Variants in MTR observed in about 807,000 individuals in gnomAD.
MTR encodes methionine synthase.
MTR carries 84 observed loss-of-function variants against 154.8 expected under a neutral mutation model. That is an observed-to-expected ratio of 0.54 (90% confidence interval 0.45 to 0.65). The LOEUF (loss-of-function observed/expected upper bound fraction) is 0.65, where lower values mean the gene tolerates loss of function less well. Among genes scored for constraint, MTR ranks in the 30% least tolerant of loss-of-function variants. The pLI is 0.00. For synonymous variants in MTR, 554 were observed against 553.9 expected, an observed-to-expected ratio of 1.00 and a Z score of 0.00; for missense variants, 1,275 against 1,570.2, an observed-to-expected ratio of 0.81 and a Z score of 3.18.
intron 5 of MTR, among the ~76,000 whole-genome samples, chr1:236,812,026 G>A (rs1349701691): frequency 2.0e-5 from 3 of 152,156 alleles, no homozygotes; most frequent in East Asian, 1.9e-4. Flanking sequence ...GGCTACAGGC[G>A]TGTGCCATCA....
chr1:236,816,274 C>T (rs1305861538), intron 7 of MTR, among the ~76,000 whole-genome samples, 175 bp from the exon 8 acceptor site: 1 of 152,190 alleles, frequency 6.6e-6, no homozygotes. Flanking sequence ...TCCCTAGTCT[C>T]TTGGCACATG....
At chr1:236,895,092 TC>T in intron 30 of MTR, 1 of 495,720 alleles carries the variant, frequency 2.0e-6, no homozygotes, top group Non-Finnish European at 3.7e-6. Context: ...TTTAGGGAAA[TC>T]GTTAATTTTA....
Position 236,866,298 on chromosome 1 carries a change from TGTGATCA to T in MTR, c.2405+2755_2405+2761del, listed in dbSNP as rs1043774931. On this transcript the variant is annotated intron_variant, in intron 22 of 32. Transcript: ENST00000366577. ...TATTATTGTATCTGTTATGATGATC[TGTGATCA>T]GTGATCAGTGTTACTATTTTAATTG... 7.9e-5 allele frequency among the ~76,000 whole-genome samples: 12 copies of T among 152,326 alleles called. No homozygotes were observed. In the East Asian group the frequency reaches 1.5e-3, roughly 20 times the overall value.
intron 28 of MTR, among the ~76,000 whole-genome samples, chr1:236,890,693 C>T (rs535768698): frequency 5.9e-5 from 9 of 152,228 alleles, no homozygotes; most frequent in Non-Finnish European, 7.4e-5. Flanking sequence ...TCAATCGTTA[C>T]GAATTATATT....
intron 22 of MTR, among the ~76,000 whole-genome samples, chr1:236,869,296 C>CT (rs913513095): frequency 3.3e-5 from 5 of 151,860 alleles, no homozygotes; most frequent in African/African-American, 7.3e-5. Flanking sequence ...TTCAGTGCAA[C>CT]TTTTTTTTTC....
chr1:236,846,306 A>G (rs1228964071), intron 15 of MTR, among the ~76,000 whole-genome samples: 2 of 152,196 alleles, frequency 1.3e-5, no homozygotes, highest in Non-Finnish European at 2.9e-5. Context: ...TTTTCATATA[A>G]TCCTTAGGTT....
At chr1:236,897,312 A>ATGCGCGCGCGCACACGCGCGCG (rs1553331097) in intron 32 of MTR, among the ~76,000 whole-genome samples, 194 bp downstream of exon 32, 1 of 66,180 alleles carries the variant, frequency 1.5e-5, no homozygotes, top group African/African-American at 5.1e-5. Context: ...ACACACACGC[A>ATGCGCGCGCGCACACGCGCGCG]CACACACACA....
At chr1:236,824,334 A>G in intron 9 of MTR, 115 bp downstream of exon 9, 1 of 917,732 alleles carries the variant, frequency 1.1e-6, no homozygotes, top group Non-Finnish European at 1.8e-6. Context: ...GGTATAGTTG[A>G]CACTTAATAA....
At chr1:236,897,312 A>ACGCGCGCGCGCGCACGCGCGCG (rs1034067394) in intron 32 of MTR, among the ~76,000 whole-genome samples, 194 bp downstream of exon 32, 7 of 66,180 alleles carry the variant, frequency 1.1e-4, no homozygotes, top group African/African-American at 3.6e-4. Flanking sequence ...ACACACACGC[A>ACGCGCGCGCGCGCACGCGCGCG]CACACACACA....
intron 28 of MTR, among the ~76,000 whole-genome samples, chr1:236,890,156 G>C (rs192317932): frequency 1.4e-5 from 2 of 144,940 alleles, no homozygotes; most frequent in Non-Finnish European, 3.2e-5. Context: ...ACGGGGGGGC[G>C]TGCCTGGGTG....
At chr1:236,838,755 C>T (rs1259899371) in intron 15 of MTR, among the ~76,000 whole-genome samples, 156 bp downstream of exon 15, 1 of 152,158 alleles carries the variant, frequency 6.6e-6, no homozygotes, top group Non-Finnish European at 1.5e-5. Flanking sequence ...TATCTGTATA[C>T]AGTCATACAT....
intron 3 of MTR, 25 bp from the exon 4 acceptor site, chr1:236,808,679 C>A (rs773298665): frequency 1.9e-6 from 3 of 1,611,748 alleles, no homozygotes; most frequent in Non-Finnish European, 2.5e-6. Context: ...GAAGGACAAG[C>A]TAACGTTTGT....
intron 2 of MTR, 74 bp from the exon 3 acceptor site, chr1:236,806,070 T>C (rs1340688451): frequency 8.1e-7 from 1 of 1,237,518 alleles, no homozygotes; most frequent in Non-Finnish European, 1.2e-6. Context: ...ATGGTGGTAA[T>C]GAAAGGGCAT....
At chr1:236,843,206 T>C (rs1349046413) in intron 15 of MTR, among the ~76,000 whole-genome samples, 4 of 152,016 alleles carry the variant, frequency 2.6e-5, no homozygotes, top group African/African-American at 9.7e-5. Context: ...TTATTTTATG[T>C]AGGATAGTTT....
intron 5 of MTR, among the ~76,000 whole-genome samples, chr1:236,811,887 C>T (rs1395183629): frequency 6.6e-6 from 1 of 152,180 alleles, no homozygotes; most frequent in East Asian, 1.9e-4. Context: ...GAGAACCTGT[C>T]AACGATGTTA....
intron 19 of MTR, among the ~76,000 whole-genome samples, chr1:236,860,871 G>A (rs1472462900): frequency 6.6e-6 from 1 of 152,098 alleles, no homozygotes; most frequent in Non-Finnish European, 1.5e-5. Flanking sequence ...TATCAATAAA[G>A]CCAGCTAAGC....
At position 236,824,166 on chromosome 1, in the gene MTR, T is replaced by C; in HGVS notation, c.812T>C (p.Ile271Thr). 6.2e-7 allele frequency: 1 copy of C among 1,614,110 alleles called. No individual in the cohort carries two copies. Among genetic ancestry groups the C allele is most frequent in the Non-Finnish European group, 8.5e-7 (1 of 1,180,010 alleles). The change falls in exon 9 of 33, where the codon ATT becomes ACT. Residue 271 changes from isoleucine to threonine, a missense_variant. By Grantham distance (89) the Ile-to-Thr change is moderately conservative. Coordinates refer to ENST00000366577, the MANE Select transcript of MTR (RefSeq NM_000254.3). Reference sequence around the variant, plus strand: ...GGTGCAGCTGAAATGAGACCTTTTATTGAAATAATTGGAAAATGTACAACA... The same window carrying C: ...GGTGCAGCTGAAATGAGACCTTTTACTGAAATAATTGGAAAATGTACAACA... The part of the protein sequence containing the change: ...ALGAAEMRPF[I>T]EIIGKCTTAY...
intron 10 of MTR, among the ~76,000 whole-genome samples, chr1:236,826,537 C>G (rs1402178161): frequency 6.6e-6 from 1 of 152,166 alleles, no homozygotes; most frequent in African/African-American, 2.4e-5. Flanking sequence ...CTCAAGTGAT[C>G]CTCCTGCCTT....
In MTR at chr1:236,899,750, A is replaced by G. The variant is rs1209871785; in HGVS notation, c.*2106A>G. 6.6e-6 allele frequency: 1 copy of G among 152,296 alleles called. No individual in the cohort carries two copies. Among genetic ancestry groups the G allele is most frequent in the African/African-American group, 2.4e-5 (1 of 41,464 alleles). 9.4% of individuals were successfully genotyped at this position (152,296 alleles called of 1,614,324 possible). A position where few individuals can be genotyped will look rare whatever the true frequency, so the allele number is the denominator to read the frequency against. On this transcript the variant is annotated 3_prime_UTR_variant, in exon 33 of 33. Transcript: ENST00000366577. ...TACAAATAACTGATGAAGGATTCAT[A>G]ATCACAAATATAGAGAATTCCTATT...
Sources: allele counts gnomAD v4.1 joint callset (sites outside exome capture counted in the v4.1 genomes callset), GRCh38; gene constraint gnomAD v4.1.1; transcripts MANE v1.5; gene names NCBI Gene and HGNC (gene_info 2026-07-23, HGNC 2026-07-21).